Variants in ACOT11 observed in about 807,000 individuals in gnomAD.
ACOT11 encodes acyl-CoA thioesterase 11, also known as acyl-coenzyme A thioesterase 11.
ACOT11 carries 69 observed loss-of-function variants against 77.5 expected under a neutral mutation model. That is an observed-to-expected ratio of 0.89 (90% confidence interval 0.73 to 1.09). The LOEUF (loss-of-function observed/expected upper bound fraction) is 1.09, where lower values mean the gene tolerates loss of function less well. Among genes scored for constraint, ACOT11 ranks in the 50% least tolerant of loss-of-function variants. ACOT11 has a pLI of 0.00. For missense variants in ACOT11, 766 were observed against 813.7 expected, an observed-to-expected ratio of 0.94 and a Z score of 0.71; for synonymous variants, 279 against 313.0, an observed-to-expected ratio of 0.89 and a Z score of 1.15.
chr1:54,583,994 C>T (rs1350002489), intron 1 of ACOT11, among the ~76,000 whole-genome samples: 1 of 152,154 alleles, frequency 6.6e-6, no homozygotes, highest in Non-Finnish European at 1.5e-5. Context: ...GCAGAAACCC[C>T]AGCTCTAATT....
chr1:54,555,194 C>T lies in ACOT11; in HGVS notation c.33+6852C>T, dbSNP rs148469127. Among the ~76,000 whole-genome samples, 93 of 152,344 alleles carry T rather than the reference C, an allele frequency of 6.1e-4. 2 individuals are homozygous for T. In the East Asian group the frequency reaches 0.018, roughly 29 times the overall value. ...CAGCCTGGTCTCGAACTCATAACCT[C>T]ATGATCCACCTGCCTTGGCCTCCCA... On this transcript the variant is annotated intron_variant, in intron 1 of 15. Coordinates refer to ENST00000343744, the MANE Select transcript of ACOT11 (RefSeq NM_147161.4).
downstream of ACOT11, among the ~76,000 whole-genome samples, chr1:54,614,176 T>A (rs1157039130): frequency 1.3e-5 from 2 of 152,204 alleles, no homozygotes; most frequent in African/African-American, 4.8e-5. Flanking sequence ...TCTCTCTCTT[T>A]GTAAACTGTA....
chr1:54,591,807 C>A (rs982358282), intron 3 of ACOT11, among the ~76,000 whole-genome samples: 1 of 152,222 alleles, frequency 6.6e-6, no homozygotes, highest in Admixed American at 6.5e-5. Context: ...GGCTCTGCCA[C>A]TTTTTAGCTT....
intron 1 of ACOT11, among the ~76,000 whole-genome samples, chr1:54,549,416 T>C (rs999314827): frequency 1.3e-5 from 2 of 152,168 alleles, no homozygotes; most frequent in Admixed American, 1.3e-4. Flanking sequence ...GGCTTCGGTG[T>C]CCCACTTTTG....
chr1:54,608,924 T>C (rs12073609), intron 15 of ACOT11, 33 bp from the exon 16 acceptor site: 107,004 of 1,607,620 alleles, frequency 0.067, 5,207 homozygotes, highest in East Asian at 0.21. Flanking sequence ...TCCCCTAGCT[T>C]GGTCCCCCTG....
intron 1 of ACOT11, among the ~76,000 whole-genome samples, chr1:54,567,149 G>C (rs537460946): frequency 3.3e-3 from 498 of 152,162 alleles, no homozygotes; most frequent in African/African-American, 0.011. Flanking sequence ...ATGTTTAATA[G>C]GATCTCACAA....
chr1:54,634,779 A>G, exon 17 of ACOT11: 2 of 699,424 alleles, frequency 2.9e-6, no homozygotes, highest in Admixed American at 2.0e-5. Flanking sequence ...GAGGATCCAG[A>G]GGACCCCCTG....
At chr1:54,611,667 A>G (rs1401424698), downstream of ACOT11, 1 of 1,614,094 alleles carries the variant, frequency 6.2e-7, no homozygotes, top group Non-Finnish European at 8.5e-7. Context: ...CTTGGTGGAC[A>G]GCAGTGTTAT....
intron 1 of ACOT11, among the ~76,000 whole-genome samples, chr1:54,583,656 A>G (rs1654397607): frequency 6.6e-6 from 1 of 152,124 alleles, no homozygotes; most frequent in African/African-American, 2.4e-5. Context: ...GATAAGGATA[A>G]TAAGGCATCT....
intron 1 of ACOT11, among the ~76,000 whole-genome samples, chr1:54,579,337 AT>A (rs1385831756): frequency 6.6e-6 from 1 of 151,524 alleles, no homozygotes; most frequent in Non-Finnish European, 1.5e-5. Context: ...CCTTAACTTT[AT>A]TTGTTTGTAT....
chr1:54,589,130 T>C (rs1204854731), intron 3 of ACOT11, among the ~76,000 whole-genome samples: 1 of 152,032 alleles, frequency 6.6e-6, no homozygotes, highest in Non-Finnish European at 1.5e-5. Flanking sequence ...AATTCTCCTG[T>C]CTAAACCTCC....
At chr1:54,606,799 C>T (rs1034752928) in intron 13 of ACOT11, among the ~76,000 whole-genome samples, 4 of 152,246 alleles carry the variant, frequency 2.6e-5, no homozygotes, top group East Asian at 3.8e-4. Context: ...TATAGACACA[C>T]GTGGGTCTCT....
chr1:54,599,206 AT>A (rs1643932728), intron 7 of ACOT11, 89 bp from the exon 8 acceptor site: 10 of 103,858 alleles, frequency 9.6e-5, no homozygotes, highest in African/African-American at 3.8e-4. Context: ...ATATATATAT[AT>A]ATATATATAT....
rs374322786 is a variant in ACOT11 at position 54,601,336 on chromosome 1, A to C, written c.952A>C (p.Ser318Arg). The part of the protein sequence containing the change: ...EAETHRRHIN[S>R]AFMTFVVLDA... Reference sequence around the variant, plus strand: ...TGAGACCCACCGGCGCCACATCAACAGTGCCTTTATGACCTTTGTGGTCCT... The same window carrying C: ...TGAGACCCACCGGCGCCACATCAACCGTGCCTTTATGACCTTTGTGGTCCT... The change falls in exon 9 of 16, where the codon AGT (serine) becomes CGT (arginine). Residue 318 changes from serine (S) to arginine (R), a missense_variant. Transcript: ENST00000343744. 2.2e-4 allele frequency: 357 copies of C among 1,613,654 alleles called. No homozygotes were observed. The highest frequency in any genetic ancestry group is 2.9e-4 in the Non-Finnish European group (346 of 1,180,018).
chr1:54,613,705 C>CA (rs1207458876), downstream of ACOT11, among the ~76,000 whole-genome samples: 1 of 152,118 alleles, frequency 6.6e-6, no homozygotes, highest in African/African-American at 2.4e-5. Context: ...ACTGCCCACC[C>CA]AAAAAAACCC....
At chr1:54,615,648 G>A (rs2101019720) in intron 15 of ACOT11, among the ~76,000 whole-genome samples, 2 of 152,170 alleles carry the variant, frequency 1.3e-5, no homozygotes, top group Middle Eastern at 6.8e-3. Flanking sequence ...TTATGGTGAC[G>A]CCTGGATTCT....
intron 1 of ACOT11, chr1:54,573,128 G>T (rs1327397092): frequency 1.0e-6 from 1 of 985,328 alleles, no homozygotes; most frequent in African/African-American, 1.7e-5. Context: ...TCCAGGTATG[G>T]GTCCTGGCCT....
At chr1:54,613,430 C>G (rs925069260), downstream of ACOT11, among the ~76,000 whole-genome samples, 4 of 151,400 alleles carry the variant, frequency 2.6e-5, no homozygotes, top group African/African-American at 9.7e-5. Context: ...CTCCTTCCCT[C>G]CCTCCCTTTT....
intron 1 of ACOT11, among the ~76,000 whole-genome samples, chr1:54,559,240 G>A (rs889505711): frequency 8.6e-5 from 13 of 152,046 alleles, no homozygotes; most frequent in Non-Finnish European, 1.8e-4. Flanking sequence ...CCCCATCCCA[G>A]CCTCCTCTGC....
Sources: gnomAD v4.1 joint callset for allele counts (sites outside exome capture counted in the v4.1 genomes callset) on GRCh38, gnomAD v4.1.1 for gene constraint, MANE v1.5 for transcripts, NCBI Gene and HGNC (gene_info 2026-07-23, HGNC 2026-07-21) for gene names.